Variants in MIGA1 observed in about 807,000 individuals in gnomAD.
MIGA1 encodes the protein mitoguardin 1, also known as family with sequence similarity 73, member A.
Under a neutral mutation model 82.0 loss-of-function variants are expected in MIGA1, and 58 were observed. That is an observed-to-expected ratio of 0.71 (90% CI 0.57 to 0.88). The LOEUF is 0.88. Ranked by LOEUF, MIGA1 falls within the 40% of genes least tolerant of loss-of-function variation. MIGA1 has a pLI of 0.00. For missense variants in MIGA1, 751 were observed against 749.1 expected (o/e 1.00, Z -0.03); for synonymous variants, 249 against 253.6 (o/e 0.98, Z 0.17).
chr1:77,852,621 G>A (rs1261677649), intron 8 of MIGA1, among the ~76,000 whole-genome samples: 1 of 152,134 alleles, frequency 6.6e-6, no homozygotes, highest in Non-Finnish European at 1.5e-5. Flanking sequence ...TTATCATTTA[G>A]TTGTGGGATT....
intron 7 of MIGA1, among the ~76,000 whole-genome samples, chr1:77,831,017 T>G (rs188974199): frequency 2.2e-4 from 33 of 152,288 alleles, no homozygotes; most frequent in Middle Eastern, 3.4e-3. Flanking sequence ...ACCGAGCAAT[T>G]AGACTCAGAG....
intron 8 of MIGA1, among the ~76,000 whole-genome samples, chr1:77,844,135 T>TAGATAG (rs1553223169): frequency 4.1e-4 from 46 of 112,528 alleles, no homozygotes; most frequent in African/African-American, 1.5e-3. Flanking sequence ...TATATATATA[T>TAGATAG]ATAGATAGAT....
intron 2 of MIGA1, among the ~76,000 whole-genome samples, chr1:77,791,298 G>A (rs1023791743): frequency 1.3e-5 from 2 of 149,984 alleles, no homozygotes; most frequent in Non-Finnish European, 3.0e-5. Flanking sequence ...AGTCACACAG[G>A]CTGTTACCTT....
At position 77,815,229 on chromosome 1, in the gene MIGA1, T is replaced by G; in HGVS notation, c.893T>G (p.Ile298Ser). 6.3e-7 allele frequency: 1 copy of G among 1,592,866 alleles called. No individual in the cohort carries two copies. Among genetic ancestry groups the G allele is most frequent in the Non-Finnish European group, 8.5e-7 (1 of 1,169,990 alleles). ...GATCCTAATTCCCTTGCTGATGATA[T>G]TGGTAAGATGGATATTTCATATGGC... is the stretch of plus-strand genomic sequence containing the variant. Residue 298 changes from isoleucine (I) to serine (S), a missense_variant and splice_region_variant, in exon 7 of 16, where the codon ATT becomes AGT. This residue lies in a region of MIGA1 where 482 missense variants were observed against 439.4 expected (regional missense o/e 1.10). Transcript: ENST00000370791.
chr1:77,811,909 C>T, intron 5 of MIGA1: 3 of 1,427,190 alleles, frequency 2.1e-6, no homozygotes, highest in South Asian at 3.2e-5. Flanking sequence ...CCACCGCCAC[C>T]TGCCGAGGAG....
chr1:77,861,583 TC>T (rs1457381574), intron 12 of MIGA1: 2 of 380,094 alleles, frequency 5.3e-6, no homozygotes, highest in Admixed American at 4.4e-5. Flanking sequence ...TTCCCTCTCT[TC>T]CTTCTCTCCA....
intron 4 of MIGA1, among the ~76,000 whole-genome samples, chr1:77,805,598 T>C (rs569512062): frequency 2.6e-4 from 39 of 151,080 alleles, no homozygotes; most frequent in Admixed American, 2.4e-3. Flanking sequence ...GGTGTGATCT[T>C]GGCTCACTGC....
At chr1:77,828,527 A>G (rs1684116489) in intron 7 of MIGA1, among the ~76,000 whole-genome samples, 1 of 152,228 alleles carries the variant, frequency 6.6e-6, no homozygotes, top group African/African-American at 2.4e-5. Flanking sequence ...CTTATTAAAT[A>G]CAGAACTTTA....
At chr1:77,819,464 A>G (rs1441319566) in intron 7 of MIGA1, among the ~76,000 whole-genome samples, 3 of 151,636 alleles carry the variant, frequency 2.0e-5, no homozygotes, top group African/African-American at 7.3e-5. Context: ...TTGTATTTTT[A>G]GTAGAGATGG....
In MIGA1 at chr1:77,798,411, GC is replaced by G; in HGVS notation, c.196-2918del. On this transcript the variant is annotated intron_variant, in intron 2 of 15. Coordinates refer to ENST00000370791, the MANE Select transcript of MIGA1 (RefSeq NM_198549.4). The stretch of plus-strand genomic sequence containing the variant: ...CTCACAGTTCCACATGGCTGGTGAG[GC>G]CTCACAATTATGGTAGAAGGCAAAA... 2.6e-5 allele frequency among the ~76,000 whole-genome samples: 4 copies of G among 152,302 alleles called. No individual in the cohort carries two copies. The East Asian group carries it at 7.7e-4, about 29-fold the overall frequency.
At chr1:77,790,660 ACTTG>A (rs1682378622) in intron 2 of MIGA1, among the ~76,000 whole-genome samples, 1 of 146,728 alleles carries the variant, frequency 6.8e-6, no homozygotes, top group Non-Finnish European at 1.5e-5. Flanking sequence ...ATCTTGGCTC[ACTTG>A]CAACCTCCAC....
intron 1 of MIGA1, 31 bp downstream of exon 1, chr1:77,779,767 A>G: frequency 7.8e-7 from 1 of 1,276,068 alleles, no homozygotes; most frequent in Non-Finnish European, 1.1e-6. Flanking sequence ...TGGGGTGGAG[A>G]GGCGGGCGGG....
intron 2 of MIGA1, among the ~76,000 whole-genome samples, chr1:77,787,841 A>T (rs1570917179): frequency 7.5e-6 from 1 of 134,202 alleles, no homozygotes. Flanking sequence ...TTTGAGATGG[A>T]GTCTCACTCT....
chr1:77,843,924 C>A (rs1395110098), intron 8 of MIGA1, among the ~76,000 whole-genome samples: 1 of 151,264 alleles, frequency 6.6e-6, no homozygotes, highest in Non-Finnish European at 1.5e-5. Flanking sequence ...CATAGTGAGA[C>A]CTTGTCCCTA....
At chr1:77,830,645 G>A (rs1217512632) in intron 7 of MIGA1, among the ~76,000 whole-genome samples, 2 of 151,922 alleles carry the variant, frequency 1.3e-5, no homozygotes, top group Non-Finnish European at 2.9e-5. Flanking sequence ...ATCTTTTTAT[G>A]TCTGAAGAGA....
Position 77,783,371 on chromosome 1 carries a change from A to C in MIGA1, c.195+20A>C, listed in dbSNP as rs1047445590. On this transcript the variant is annotated intron_variant, in intron 2 of 15. Transcript: ENST00000370791. Reference sequence around the variant, plus strand: ...TCCCAGGTAAATAAAAGAAGCAAACAGGAAGTTGAATATTAAGCTTATTGC... The same window carrying C: ...TCCCAGGTAAATAAAAGAAGCAAACCGGAAGTTGAATATTAAGCTTATTGC... 2 of 1,431,438 alleles carry C rather than the reference A, an allele frequency of 1.4e-6. No homozygotes were observed. Among genetic ancestry groups the C allele is most frequent in the Admixed American group, 1.8e-5 (1 of 56,136 alleles). 88.7% of individuals were successfully genotyped at this position (1,431,438 alleles called of 1,614,324 possible). A position where few individuals can be genotyped will look rare whatever the true frequency, so the allele number is the denominator to read the frequency against.
At chr1:77,806,476 A>G (rs1683104300) in intron 4 of MIGA1, among the ~76,000 whole-genome samples, 1 of 152,224 alleles carries the variant, frequency 6.6e-6, no homozygotes. Context: ...TTAGGACAGA[A>G]CTGGAGTTAG....
chr1:77,808,799 A>G (rs547340742), intron 5 of MIGA1, among the ~76,000 whole-genome samples: 4 of 152,342 alleles, frequency 2.6e-5, no homozygotes, highest in Admixed American at 2.6e-4. Context: ...CTCAGAATGC[A>G]TTCCTACTCT....
chr1:77,814,532 G>A (rs566946843), intron 6 of MIGA1, among the ~76,000 whole-genome samples: 1 of 152,276 alleles, frequency 6.6e-6, no homozygotes, highest in Non-Finnish European at 1.5e-5. Flanking sequence ...AAGCAGCTGG[G>A]ACTGCAGGCA....
Sources: gnomAD v4.1 joint callset for allele counts (sites outside exome capture counted in the v4.1 genomes callset) on GRCh38, gnomAD v4.1.1 for gene constraint, gnomAD v4.1.1 regional missense constraint, MANE v1.5 for transcripts, NCBI Gene and HGNC (gene_info 2026-07-23, HGNC 2026-07-21) for gene names.